Variants in SPECC1 observed in about 807,000 individuals in gnomAD.
SPECC1 encodes sperm antigen with calponin homology and coiled-coil domains 1, also known as cytospin-B.
A neutral mutation model predicts 104.1 loss-of-function variants in SPECC1; 62 were observed. The observed-to-expected ratio is 0.60, with a 90% CI of 0.49 to 0.74. SPECC1 has a LOEUF of 0.74. Among genes scored for constraint, SPECC1 ranks in the 30% least tolerant of loss-of-function variants. The pLI is 0.00. For missense variants in SPECC1, 1,306 were observed against 1,310.5 expected (o/e 1.00, Z 0.05); for synonymous variants, 513 against 501.6 (o/e 1.02, Z -0.30).
At chr17:20,039,122 A>T (rs1268906917) in intron 1 of SPECC1, among the ~76,000 whole-genome samples, 1 of 152,184 alleles carries the variant, frequency 6.6e-6, no homozygotes, top group East Asian at 1.9e-4. Context: ...CAGCTCTTCC[A>T]CTGTCCATCC....
chr17:20,047,667 G>A (rs529667147), intron 1 of SPECC1, among the ~76,000 whole-genome samples: 8 of 151,654 alleles, frequency 5.3e-5, no homozygotes, highest in East Asian at 1.9e-4. Context: ...GCGTGATCTC[G>A]GCTCACTGCA....
intron 3 of SPECC1, among the ~76,000 whole-genome samples, chr17:20,196,678 A>G (rs141141646): frequency 1.3e-5 from 2 of 151,754 alleles, no homozygotes; most frequent in Non-Finnish European, 2.9e-5. Context: ...ATCTTTTCTT[A>G]TATAAAATCT....
chr17:20,098,666 G>A (rs545174685), intron 2 of SPECC1, among the ~76,000 whole-genome samples: 3 of 152,304 alleles, frequency 2.0e-5, no homozygotes, highest in South Asian at 2.1e-4. Flanking sequence ...GCACTCCTGC[G>A]GCAGTGTGTT....
intron 13 of SPECC1, among the ~76,000 whole-genome samples, chr17:20,302,941 A>G (rs1193203697): frequency 2.6e-5 from 4 of 151,164 alleles, no homozygotes; most frequent in Non-Finnish European, 4.4e-5. Flanking sequence ...GAATCAAACT[A>G]GAAGGTTTTT....
intron 12 of SPECC1, among the ~76,000 whole-genome samples, chr17:20,274,151 A>C (rs1321344657): frequency 6.6e-6 from 1 of 152,202 alleles, no homozygotes; most frequent in Non-Finnish European, 1.5e-5. Context: ...TTTTTCCCCC[A>C]GATGGATGGC....
chr17:20,209,385 G>T (rs184557985), intron 4 of SPECC1, among the ~76,000 whole-genome samples: 1 of 152,128 alleles, frequency 6.6e-6, no homozygotes, highest in Non-Finnish European at 1.5e-5. Flanking sequence ...AATAGATTCC[G>T]TAAATCTATG....
chr17:20,127,151 C>T (rs898741252), intron 3 of SPECC1, among the ~76,000 whole-genome samples: 1 of 152,202 alleles, frequency 6.6e-6, no homozygotes, highest in Non-Finnish European at 1.5e-5. Context: ...ATTATTTCTT[C>T]ATGACTTCTT....
At chr17:20,210,989 G>A (rs547657530) in intron 4 of SPECC1, among the ~76,000 whole-genome samples, 3 of 152,314 alleles carry the variant, frequency 2.0e-5, no homozygotes, top group Non-Finnish European at 2.9e-5. Flanking sequence ...GGTCTTCAGC[G>A]AGGCATTCAG....
At chr17:20,046,779 C>T (rs2045555390) in intron 1 of SPECC1, among the ~76,000 whole-genome samples, 1 of 151,044 alleles carries the variant, frequency 6.6e-6, no homozygotes. Flanking sequence ...CTCAAGGAGT[C>T]GCCTTCCTGA....
chr17:20,131,096 C>T (rs760745474), intron 3 of SPECC1, among the ~76,000 whole-genome samples: 9 of 152,134 alleles, frequency 5.9e-5, no homozygotes, highest in Non-Finnish European at 8.8e-5. Context: ...TTGCTAAAGT[C>T]GCTTATTAGT....
intron 1 of SPECC1, among the ~76,000 whole-genome samples, chr17:20,033,517 G>A (rs1221483668): frequency 6.6e-6 from 1 of 152,180 alleles, no homozygotes; most frequent in African/African-American, 2.4e-5. Context: ...AAGAAGCATG[G>A]CATCACTATC....
rs948851468 is a variant in SPECC1, at chr17:20,129,065, T to A, written c.283+18503T>A. Among the ~76,000 whole-genome samples, 16 of 152,068 alleles carry A rather than the reference T, an allele frequency of 1.1e-4. 1 individual carries two copies. Among genetic ancestry groups the A allele is most frequent in the African/African-American group, 3.9e-4 (16 of 41,420 alleles). ...GCGCCACCATGCCTGGTTAATTTTT[T>A]AAATTTTTTTGTAGAGACAGGTGCT... On this transcript the variant is annotated intron_variant, in intron 3 of 14. Coordinates refer to ENST00000395527, the MANE Select transcript of SPECC1 (RefSeq NM_001243439.2).
chr17:20,075,182 C>T (rs1367191809), intron 1 of SPECC1, among the ~76,000 whole-genome samples: 3 of 152,194 alleles, frequency 2.0e-5, no homozygotes, highest in African/African-American at 4.8e-5. Flanking sequence ...GGATTATAGG[C>T]GTGAGCCCCC....
intron 12 of SPECC1, among the ~76,000 whole-genome samples, chr17:20,288,771 C>CTTTTTTT (rs60578647): frequency 2.7e-5 from 2 of 73,708 alleles, no homozygotes; most frequent in Non-Finnish European, 4.6e-5. Flanking sequence ...AAGGGCACTT[C>CTTTTTTT]TTTTTTTTTT....
At chr17:20,051,067 T>TC (rs1597617003) in intron 1 of SPECC1, among the ~76,000 whole-genome samples, 3 of 109,438 alleles carry the variant, frequency 2.7e-5, no homozygotes, top group East Asian at 4.5e-4. Context: ...TCTTTCTTTC[T>TC]TTTTCTTTCT....
intron 1 of SPECC1, among the ~76,000 whole-genome samples, chr17:20,062,397 C>T (rs2046218948): frequency 6.6e-6 from 1 of 152,168 alleles, no homozygotes; most frequent in Non-Finnish European, 1.5e-5. Context: ...GGTTCTCCCT[C>T]TTTCATCCAG....
At chr17:20,125,332 A>C (rs562462128) in intron 3 of SPECC1, among the ~76,000 whole-genome samples, 1 of 150,792 alleles carries the variant, frequency 6.6e-6, no homozygotes, top group East Asian at 1.9e-4. Flanking sequence ...CCTTAAGGTC[A>C]AAAAGGGTAA....
chr17:20,205,081 C>T lies in SPECC1; in HGVS notation c.1032C>T (p.Ser344=), dbSNP rs1449316357. Residue 344 remains serine, a synonymous_variant, in exon 4 of 15, where the codon TCC becomes TCT. Transcript: ENST00000395527. ...CAGAGACACCCTCAAGGCCCCTGTC[C>T]TCCACCAGTAACCCCTTTAAGAGTT... is the stretch of plus-strand genomic sequence containing the variant. ...ITAETPSRPL[S]STSNPFKSSK... 1 of 1,614,196 alleles carries T rather than the reference C, an allele frequency of 6.2e-7. No individual in the cohort carries two copies. Among genetic ancestry groups the T allele is most frequent in the Non-Finnish European group, 8.5e-7 (1 of 1,180,032 alleles).
At chr17:20,297,176 A>T (rs1395290885) in intron 13 of SPECC1, 99 bp downstream of exon 13, 6 of 957,710 alleles carry the variant, frequency 6.3e-6, no homozygotes, top group African/African-American at 1.6e-5. Flanking sequence ...CCTGAAGTAG[A>T]AGTTGGGATA....
Sources: gnomAD v4.1 joint callset for allele counts (sites outside exome capture counted in the v4.1 genomes callset) on GRCh38, gnomAD v4.1.1 for gene constraint, MANE v1.5 for transcripts, NCBI Gene and HGNC (gene_info 2026-07-23, HGNC 2026-07-21) for gene names.